ARHGEF3: variants seen among roughly 807,000 people sequenced by gnomAD.
ARHGEF3 encodes Rho guanine nucleotide exchange factor 3, also known as 59.8 kDA protein.
A neutral mutation model predicts 63.2 loss-of-function variants in ARHGEF3; 28 were observed. That is an observed-to-expected ratio of 0.44 (90% confidence interval 0.33 to 0.61). The LOEUF is 0.61. Ranked by LOEUF, ARHGEF3 falls within the 20% of genes least tolerant of loss-of-function variation. The probability of loss-of-function intolerance (pLI) is 0.03; values close to 1 mark genes in which losing one functional copy is unlikely to be tolerated. For missense variants in ARHGEF3, 533 were observed against 659.3 expected (o/e 0.81, Z 2.10); for synonymous variants, 266 against 254.2 (o/e 1.05, Z -0.44).
At chr3:57,021,675 C>G (rs559183736) in intron 2 of ARHGEF3, among the ~76,000 whole-genome samples, 1 of 151,710 alleles carries the variant, frequency 6.6e-6, no homozygotes, top group Non-Finnish European at 1.5e-5. Context: ...ATCACTTGAG[C>G]CCGGGAGGCA....
At chr3:56,950,265 C>A (rs1055514155) in intron 3 of ARHGEF3, among the ~76,000 whole-genome samples, 3 of 151,930 alleles carry the variant, frequency 2.0e-5, no homozygotes, top group African/African-American at 4.8e-5. Flanking sequence ...GCAACAAAAG[C>A]CAAAACTGAC....
At chr3:57,042,859 G>A (rs190250975) in intron 1 of ARHGEF3, among the ~76,000 whole-genome samples, 4 of 150,682 alleles carry the variant, frequency 2.7e-5, no homozygotes, top group African/African-American at 4.9e-5. Flanking sequence ...ACCATGCTCA[G>A]CTAGTTTTTT....
intron 2 of ARHGEF3, among the ~76,000 whole-genome samples, chr3:57,011,174 C>G (rs968935446): frequency 6.6e-6 from 1 of 152,212 alleles, no homozygotes; most frequent in Non-Finnish European, 1.5e-5. Flanking sequence ...AATGAAGAAA[C>G]AGAAGCACAG....
At chr3:57,002,497 G>A (rs1476912462) in intron 2 of ARHGEF3, among the ~76,000 whole-genome samples, 535 of 15,228 alleles carry the variant, frequency 0.035, 44 homozygotes, top group Middle Eastern at 0.12. Flanking sequence ...ATATATATAT[G>A]TTATATATAT....
intron 3 of ARHGEF3, among the ~76,000 whole-genome samples, chr3:56,953,279 C>G (rs1161853835): frequency 6.6e-6 from 1 of 152,220 alleles, no homozygotes; most frequent in Non-Finnish European, 1.5e-5. Flanking sequence ...CAGAGCAACT[C>G]TCCATCTGAC....
At chr3:56,921,839 A>T (rs770784897) in intron 3 of ARHGEF3, among the ~76,000 whole-genome samples, 15 of 152,262 alleles carry the variant, frequency 9.9e-5, no homozygotes, top group Non-Finnish European at 2.2e-4. Flanking sequence ...ATGAATAAAT[A>T]GAAAAGTCTT....
chr3:56,998,113 C>T (rs1024779143), intron 2 of ARHGEF3, among the ~76,000 whole-genome samples: 2 of 152,192 alleles, frequency 1.3e-5, no homozygotes, highest in Admixed American at 1.3e-4. Context: ...AACTGCTGCT[C>T]GCTTCCCAGT....
intron 1 of ARHGEF3, among the ~76,000 whole-genome samples, chr3:57,063,622 G>A (rs1449520135): frequency 1.3e-5 from 2 of 152,156 alleles, no homozygotes; most frequent in African/African-American, 2.4e-5. Flanking sequence ...ACAGAGATGT[G>A]GGAAGAGGAT....
intron 2 of ARHGEF3, among the ~76,000 whole-genome samples, chr3:56,974,390 A>G (rs913806280): frequency 6.6e-6 from 1 of 152,174 alleles, no homozygotes. Context: ...TACACACACA[A>G]AAAAAGTGTT....
At chr3:56,997,714 G>A (rs1235955744) in intron 2 of ARHGEF3, among the ~76,000 whole-genome samples, 3 of 152,116 alleles carry the variant, frequency 2.0e-5, no homozygotes, top group Non-Finnish European at 4.4e-5. Flanking sequence ...GCCCCCAGTA[G>A]GAGATGACGA....
chr3:56,958,173 A>C (rs1285518450), intron 3 of ARHGEF3, among the ~76,000 whole-genome samples: 1 of 152,056 alleles, frequency 6.6e-6, no homozygotes, highest in Non-Finnish European at 1.5e-5. Flanking sequence ...TTCATTGTAC[A>C]CTGGTTCCCT....
intron 3 of ARHGEF3, among the ~76,000 whole-genome samples, chr3:56,939,224 A>C (rs553431610): frequency 6.6e-6 from 1 of 152,318 alleles, no homozygotes; most frequent in African/African-American, 2.4e-5. Context: ...ACACAGGCAG[A>C]AAGAGAAATA....
intron 2 of ARHGEF3, among the ~76,000 whole-genome samples, chr3:56,967,297 A>ATAT (rs1700545002): frequency 1.2e-5 from 1 of 86,706 alleles, no homozygotes; most frequent in African/African-American, 4.2e-5. Flanking sequence ...ATATTATACA[A>ATAT]ATTATATATT....
At chr3:57,006,131 C>A (rs1041731795) in intron 2 of ARHGEF3, among the ~76,000 whole-genome samples, 20 of 152,166 alleles carry the variant, frequency 1.3e-4, no homozygotes, top group African/African-American at 4.8e-4. Flanking sequence ...TATTGGATAA[C>A]CAGGAACCAC....
At chr3:56,940,652 C>T (rs771639601) in intron 3 of ARHGEF3, 7 of 152,032 alleles carry the variant, frequency 4.6e-5, no homozygotes, top group Middle Eastern at 3.4e-3. Context: ...TAAGTGGAAA[C>T]CCAGGTATGG....
chr3:56,847,843 G>T (rs1322480816), intron 4 of ARHGEF3, among the ~76,000 whole-genome samples: 2 of 152,180 alleles, frequency 1.3e-5, no homozygotes, highest in Admixed American at 1.3e-4. Flanking sequence ...CTCCCAAAGT[G>T]CTGGGATTAC....
At chr3:56,906,022 G>T (rs902046218) in intron 3 of ARHGEF3, among the ~76,000 whole-genome samples, 1 of 151,956 alleles carries the variant, frequency 6.6e-6, no homozygotes, top group East Asian at 1.9e-4. Context: ...CTGCCACCAC[G>T]CCTGGCTAAT....
intron 3 of ARHGEF3, among the ~76,000 whole-genome samples, chr3:56,919,125 C>T (rs941331660): frequency 6.6e-6 from 1 of 152,298 alleles, no homozygotes; most frequent in East Asian, 1.9e-4. Context: ...TCCAGCTTTT[C>T]GGGTTCCTAA....
chr3:57,008,321 G>A (rs1405867734), intron 2 of ARHGEF3, among the ~76,000 whole-genome samples: 1 of 152,032 alleles, frequency 6.6e-6, no homozygotes. Context: ...GGCTCCTGTG[G>A]TCACTCTGCT....
Sources: allele counts gnomAD v4.1 joint callset (sites outside exome capture counted in the v4.1 genomes callset), GRCh38; gene constraint gnomAD v4.1.1; transcripts MANE v1.5; gene names NCBI Gene and HGNC (gene_info 2026-07-23, HGNC 2026-07-21).